The following SMARCE1 variants were observed in gnomAD, a reference collection of about 807,000 sequenced individuals.
The protein encoded by SMARCE1 is SWI/SNF related BAF chromatin remodeling complex subunit E1, also known as SWI/SNF-related matrix-associated actin-dependent regulator of chromatin subfamily E member 1.
In SMARCE1, 13 loss-of-function variants were observed where a neutral mutation model predicts 54.9. The observed-to-expected ratio is 0.24, with a 90% confidence interval of 0.15 to 0.38. SMARCE1 has a LOEUF of 0.38. Ranked by LOEUF, SMARCE1 falls within the 10% of genes least tolerant of loss-of-function variation. SMARCE1 has a pLI of 1.00. For synonymous variants in SMARCE1, 151 were observed against 175.3 expected, an observed-to-expected ratio of 0.86 and a Z score of 1.10; for missense variants, 295 against 523.8, an observed-to-expected ratio of 0.56 and a Z score of 4.26.
chr17:40,631,072 T>G (rs1047286596), intron 9 of SMARCE1, 148 bp from the exon 10 acceptor site: 2 of 624,614 alleles, frequency 3.2e-6, no homozygotes, highest in African/African-American at 3.7e-5. Flanking sequence ...CAAAAAAATG[T>G]GGTTCTAGGT....
At chr17:40,638,416 A>G (rs1218930375) in intron 4 of SMARCE1, among the ~76,000 whole-genome samples, 1 of 152,178 alleles carries the variant, frequency 6.6e-6, no homozygotes, top group Non-Finnish European at 1.5e-5. Flanking sequence ...AAGGAGGCGG[A>G]GGGAAGACTG....
chr17:40,629,432 C>T (rs879456113), intron 10 of SMARCE1: 13 of 742,638 alleles, frequency 1.8e-5, no homozygotes, highest in Non-Finnish European at 2.4e-5. Flanking sequence ...TTTCACGTGA[C>T]TTGCATTTTA....
chr17:40,639,784 T>TA (rs2037179882), intron 4 of SMARCE1, among the ~76,000 whole-genome samples: 1 of 152,158 alleles, frequency 6.6e-6, no homozygotes. Context: ...AACATTTCTT[T>TA]AAAAAAAGCT....
At chr17:40,631,453 T>C (rs1045730491) in intron 9 of SMARCE1, 139 bp downstream of exon 9, 2 of 577,358 alleles carry the variant, frequency 3.5e-6, no homozygotes, top group Non-Finnish European at 6.1e-6. Context: ...AAAAAAAGGA[T>C]CCTACAGGTT....
At chr17:40,645,263 G>C (rs1396901435) in intron 3 of SMARCE1, 1 of 390,994 alleles carries the variant, frequency 2.6e-6, no homozygotes, top group African/African-American at 2.1e-5. Context: ...ACAACTTAAA[G>C]ACTCTTAATA....
chr17:40,635,847 G>A, intron 7 of SMARCE1, 84 bp downstream of exon 7: 1 of 1,030,378 alleles, frequency 9.7e-7, no homozygotes, highest in Non-Finnish European at 1.4e-6. Context: ...TTTAGGATAA[G>A]AAATAAAAAC....
intron 7 of SMARCE1, chr17:40,635,480 T>C (rs536618903): frequency 5.9e-5 from 9 of 153,366 alleles, no homozygotes; most frequent in Non-Finnish European, 1.2e-4. Context: ...GCATGAGCTA[T>C]ATTTATACAT....
Position 40,642,432 on chromosome 17 carries a change from G to A in SMARCE1, c.156+23C>T, listed in dbSNP as rs2144008984. ...GGTCAATTCCAGTTGTTTGCCGGAT[G>A]CTGTAATAGTTGATTCTCCTACCGT... On this transcript the variant is annotated intron_variant, in intron 4 of 10. Coordinates refer to ENST00000348513, the MANE Select transcript of SMARCE1 (RefSeq NM_003079.5). This position sits in a 1 kb window ranked among gnomAD's most constrained non-coding sequence, Gnocchi z 4.6. 1 of 1,339,552 alleles carries A rather than the reference G, an allele frequency of 7.5e-7. No homozygotes were observed. The highest frequency in any genetic ancestry group is 1.1e-6 in the Non-Finnish European group (1 of 929,396). The allele number at this position is 1,339,552 out of a possible 1,614,324, so 83.0% of individuals were successfully genotyped here.
chr17:40,639,930 GTGTT>G (rs2037181455), intron 4 of SMARCE1: 1 of 152,180 alleles, frequency 6.6e-6, no homozygotes, highest in Non-Finnish European at 1.5e-5. Context: ...TTTGGAGAAT[GTGTT>G]TCCATTTTTG....
At chr17:40,645,714 T>G in intron 2 of SMARCE1, 82 bp downstream of exon 2, 1 of 1,101,346 alleles carries the variant, frequency 9.1e-7, no homozygotes, top group Non-Finnish European at 1.3e-6. Context: ...GAAAAAAAAA[T>G]GAGAGTATTT....
chr17:40,631,056 G>A (rs1216218356), intron 9 of SMARCE1, 132 bp from the exon 10 acceptor site: 2 of 683,016 alleles, frequency 2.9e-6, no homozygotes, highest in Non-Finnish European at 4.8e-6. Flanking sequence ...GTGTGTGTGT[G>A]TGTGCCAAAA....
In SMARCE1 at chr17:40,630,758, T is replaced by C; in HGVS notation, c.983A>G (p.Lys328Arg). The change falls in exon 10 of 11, where the codon AAA becomes AGA. Residue 328 changes from lysine (K) to arginine (R), a missense_variant. Physicochemically the swap from Lys to Arg is conservative, Grantham distance 26. This residue lies in a region of SMARCE1 where 147 missense variants were observed against 161.4 expected (regional missense o/e 0.91). Transcript: ENST00000348513. ...IVPEEEQAAN[K>R]GEEKKDDENI... ...CTCGTCGTCTTTCTTCTCCTCGCCT[T>C]TGTTAGCTGCTTGTTCTTCCTCAGG... 3 of 1,614,180 alleles carry C rather than the reference T, an allele frequency of 1.9e-6. No homozygotes were observed. The highest frequency in any genetic ancestry group is 2.5e-6 in the Non-Finnish European group (3 of 1,180,032).
chr17:40,643,775 A>G (rs1397885747), intron 3 of SMARCE1: 2 of 152,230 alleles, frequency 1.3e-5, no homozygotes, highest in Non-Finnish European at 2.9e-5. Context: ...AAAGAAAGAC[A>G]TTTAAGCAGA....
chr17:40,630,005 C>T (rs1399432407), intron 10 of SMARCE1: 2 of 427,024 alleles, frequency 4.7e-6, no homozygotes, highest in Admixed American at 8.1e-5. Context: ...TACTGTCCCT[C>T]CCACTTCTTG....
intron 9 of SMARCE1, 120 bp from the exon 10 acceptor site, chr17:40,631,044 ATGTGTG>A: frequency 1.4e-6 from 1 of 722,298 alleles, no homozygotes; most frequent in South Asian, 2.0e-5. Context: ...ATACACCTGT[ATGTGTG>A]TGTGTGTGTG....
At chr17:40,630,219 C>A in intron 10 of SMARCE1, 1 of 1,506,512 alleles carries the variant, frequency 6.6e-7, no homozygotes, top group Admixed American at 1.9e-5. Context: ...TTGAGGGATG[C>A]TTTTAATCAG....
At chr17:40,632,715 ACT>A (rs564967509) in intron 7 of SMARCE1, 147 of 204,250 alleles carry the variant, frequency 7.2e-4, no homozygotes, top group African/African-American at 3.1e-3. Flanking sequence ...CCAATGTTTC[ACT>A]CTCTTGGTAG....
chr17:40,634,077 C>G (rs995238122), intron 7 of SMARCE1: 1 of 152,204 alleles, frequency 6.6e-6, no homozygotes, highest in African/African-American at 2.4e-5. Flanking sequence ...TGAAGAGGCT[C>G]TCACTGAATA....
rs369836703 is a variant in SMARCE1 at position 40,633,638 on chromosome 17, A to T, written c.542-1271T>A. 29 of 151,050 alleles carry T rather than the reference A, an allele frequency of 1.9e-4. No homozygotes were observed. In the East Asian group the frequency reaches 5.2e-3, roughly 27 times the overall value. The allele number at this position is 151,050 out of a possible 1,614,324, so 9.4% of individuals were successfully genotyped here. A position where few individuals can be genotyped will look rare whatever the true frequency, so the allele number is the denominator to read the frequency against. On this transcript the variant is annotated intron_variant, in intron 7 of 10. Coordinates refer to ENST00000348513, the MANE Select transcript of SMARCE1 (RefSeq NM_003079.5). ...TTTAGCACCTCCCTTATTGTCTGGC[A>T]CTTAAGTAGTTCCTAAAATTCTCAT...
Sources: gnomAD v4.1 joint callset for allele counts (sites outside exome capture counted in the v4.1 genomes callset) on GRCh38, gnomAD v4.1.1 for gene constraint, gnomAD v4.1.1 regional missense constraint, Gnocchi (gnomAD v3.1) non-coding constraint, MANE v1.5 for transcripts, NCBI Gene and HGNC (gene_info 2026-07-23, HGNC 2026-07-21) for gene names.